The following ADAM23 variants were observed in gnomAD, a reference collection of about 807,000 sequenced individuals.
ADAM23 encodes disintegrin and metalloproteinase domain-containing protein 23.
Under a neutral mutation model 120.1 loss-of-function variants are expected in ADAM23, and 33 were observed. That is an observed-to-expected ratio of 0.27 (90% CI 0.21 to 0.37). The LOEUF (loss-of-function observed/expected upper bound fraction) is 0.37. Among genes scored for constraint, ADAM23 ranks in the 10% least tolerant of loss-of-function variants. The pLI, the probability that ADAM23 is intolerant of heterozygous loss-of-function variation, is 1.00. For synonymous variants in ADAM23, 367 were observed against 375.2 expected (o/e 0.98, Z 0.25); for missense variants, 862 against 1,058.2 (o/e 0.81, Z 2.57).
intron 3 of ADAM23, among the ~76,000 whole-genome samples, chr2:206,496,546 G>A (rs1696252744): frequency 6.6e-6 from 1 of 152,132 alleles, no homozygotes; most frequent in African/African-American, 2.4e-5. Context: ...ACAAGAGAAA[G>A]CAGGAAAGAT....
chr2:206,475,296 A>G (rs1490110365), intron 2 of ADAM23, among the ~76,000 whole-genome samples: 2 of 152,160 alleles, frequency 1.3e-5, no homozygotes, highest in East Asian at 3.8e-4. Context: ...ACAAAATTAC[A>G]ATTAAAAATG....
chr2:206,584,313 A>C (rs1379319188), intron 18 of ADAM23, among the ~76,000 whole-genome samples: 2 of 151,936 alleles, frequency 1.3e-5, no homozygotes, highest in Non-Finnish European at 2.9e-5. Flanking sequence ...TGGTCTAATG[A>C]TCTATTTTTG....
chr2:206,617,291 C>T (rs77902263), intron 25 of ADAM23, among the ~76,000 whole-genome samples: 7,652 of 152,198 alleles, frequency 0.05, 289 homozygotes, highest in Middle Eastern at 0.12. Flanking sequence ...AAATAAGAGA[C>T]AAATTGGGCC....
chr2:206,612,485 A>G (rs1300564577), intron 25 of ADAM23, among the ~76,000 whole-genome samples: 2 of 152,246 alleles, frequency 1.3e-5, no homozygotes, highest in African/African-American at 4.8e-5. Flanking sequence ...TCCTGATACC[A>G]GGTTTTTATT....
At chr2:206,467,157 C>G (rs1384423631) in intron 2 of ADAM23, among the ~76,000 whole-genome samples, 1 of 152,192 alleles carries the variant, frequency 6.6e-6, no homozygotes, top group East Asian at 1.9e-4. Flanking sequence ...TCCACCCTGG[C>G]CCCTCCCAAA....
intron 2 of ADAM23, among the ~76,000 whole-genome samples, chr2:206,458,501 A>T (rs759242103): frequency 7.2e-5 from 11 of 152,202 alleles, no homozygotes; most frequent in Admixed American, 1.3e-4. Context: ...GATGCACATG[A>T]TGTCTCAGAG....
At chr2:206,610,725 T>G (rs1698810889) in intron 25 of ADAM23, among the ~76,000 whole-genome samples, 1 of 152,160 alleles carries the variant, frequency 6.6e-6, no homozygotes, top group African/African-American at 2.4e-5. Flanking sequence ...ACAAATAAAC[T>G]TCAATTGTGA....
chr2:206,541,685 A>G (rs1312249236), intron 4 of ADAM23, among the ~76,000 whole-genome samples: 1 of 152,246 alleles, frequency 6.6e-6, no homozygotes, highest in Non-Finnish European at 1.5e-5. Flanking sequence ...TCCATTAAAA[A>G]TGATTATAAA....
intron 2 of ADAM23, among the ~76,000 whole-genome samples, chr2:206,477,897 A>AAAAAAATATATATATATATAT (rs374524658): frequency 4.3e-5 from 4 of 93,602 alleles, no homozygotes; most frequent in African/African-American, 2.1e-4. Flanking sequence ...AAAAAAAAAA[A>AAAAAAATATATATATATATAT]ATATATATAT....
intron 21 of ADAM23, among the ~76,000 whole-genome samples, chr2:206,592,341 G>C (rs1698440581): frequency 6.6e-6 from 1 of 152,112 alleles, no homozygotes; most frequent in South Asian, 2.1e-4. Context: ...GAATGGATAG[G>C]AAAGTGGGCG....
intron 3 of ADAM23, among the ~76,000 whole-genome samples, chr2:206,494,091 C>A (rs1696187304): frequency 6.7e-6 from 1 of 149,474 alleles, no homozygotes; most frequent in African/African-American, 2.6e-5. Context: ...ATATCCATCA[C>A]CTCAGATGGT....
chr2:206,597,457 C>T (rs544895643), intron 24 of ADAM23, among the ~76,000 whole-genome samples: 16 of 152,148 alleles, frequency 1.1e-4, no homozygotes, highest in African/African-American at 3.1e-4. Flanking sequence ...TGAGCTACCG[C>T]GCCTGGCCTC....
At chr2:206,533,196 G>T (rs778042221) in intron 4 of ADAM23, among the ~76,000 whole-genome samples, 22 of 151,396 alleles carry the variant, frequency 1.5e-4, no homozygotes, top group Non-Finnish European at 2.7e-4. Flanking sequence ...ATCTCAAATT[G>T]TTTTTTTTAT....
intron 24 of ADAM23, among the ~76,000 whole-genome samples, chr2:206,609,014 G>A (rs998454604): frequency 2.0e-5 from 3 of 152,170 alleles, no homozygotes; most frequent in Non-Finnish European, 4.4e-5. Flanking sequence ...TATTATACTA[G>A]GTTTAACGTT....
chr2:206,521,903 G>T (rs1027133028), intron 3 of ADAM23, among the ~76,000 whole-genome samples: 2 of 152,126 alleles, frequency 1.3e-5, no homozygotes, highest in African/African-American at 4.8e-5. Flanking sequence ...GCCAGCAGTG[G>T]CTACTGTCAT....
chr2:206,540,241 AC>A (rs1460950179), intron 4 of ADAM23, among the ~76,000 whole-genome samples: 6 of 151,152 alleles, frequency 4.0e-5, no homozygotes, highest in Non-Finnish European at 8.9e-5. Context: ...ACACACACAC[AC>A]ACACACACAC....
At chr2:206,546,560 T>C (rs1219818725) in intron 6 of ADAM23, among the ~76,000 whole-genome samples, 1 of 152,186 alleles carries the variant, frequency 6.6e-6, no homozygotes, top group Non-Finnish European at 1.5e-5. Context: ...AAACAAATAC[T>C]TAAATAGTAA....
chr2:206,482,525 A>C (rs528791245), intron 3 of ADAM23, among the ~76,000 whole-genome samples: 1 of 152,316 alleles, frequency 6.6e-6, no homozygotes, highest in Admixed American at 6.5e-5. Context: ...AAAATATCTC[A>C]GCCATAGCAG....
chr2:206,570,685 C>T lies in ADAM23; in HGVS notation c.1495-55C>T, dbSNP rs1697977936. The T allele has an allele frequency of 1.0e-5, 15 of 1,436,948 alleles. No homozygotes were observed. In the South Asian group the frequency reaches 1.7e-4, roughly 17 times the overall value. 89.0% of individuals were successfully genotyped at this position (1,436,948 alleles called of 1,614,324 possible). Reference sequence around the variant, plus strand: ...CATTGTATGTGGCCCAGTTGATGTGCTGATTTTCTGTGATAAATTGAAACA... The same window carrying T: ...CATTGTATGTGGCCCAGTTGATGTGTTGATTTTCTGTGATAAATTGAAACA... On this transcript the variant is annotated intron_variant, in intron 15 of 25. Transcript: ENST00000264377.
Sources: gnomAD v4.1 joint callset for allele counts (sites outside exome capture counted in the v4.1 genomes callset) on GRCh38, gnomAD v4.1.1 for gene constraint, MANE v1.5 for transcripts, NCBI Gene and HGNC (gene_info 2026-07-23, HGNC 2026-07-21) for gene names.